The following STKLD1 variants were observed in gnomAD, a reference collection of about 807,000 sequenced individuals.
The protein encoded by STKLD1 is serine/threonine kinase-like domain-containing protein STKLD1.
In STKLD1, 79 loss-of-function variants were observed where a neutral mutation model predicts 80.4. The ratio of observed to expected loss-of-function variants is 0.98; its 90% CI spans 0.82 to 1.19. The LOEUF (loss-of-function observed/expected upper bound fraction) is 1.19, where lower values mean the gene tolerates loss of function less well. Among genes scored for constraint, STKLD1 ranks in the 50% most tolerant of loss-of-function variants. The pLI, the probability that STKLD1 is intolerant of heterozygous loss-of-function variation, is 0.00. For synonymous variants in STKLD1, 393 were observed against 357.6 expected (o/e 1.10, Z -1.12); for missense variants, 841 against 856.0 (o/e 0.98, Z 0.22).
chr9:133,387,642 C>A, intron 5 of STKLD1, 94 bp downstream of exon 5: 2 of 930,238 alleles, frequency 2.1e-6, no homozygotes, highest in Non-Finnish European at 3.6e-6. Flanking sequence ...AGGGCAGGCA[C>A]CATGGAGTCC....
At chr9:133,391,222 G>A (rs1212273147) in intron 7 of STKLD1, among the ~76,000 whole-genome samples, 5 of 148,918 alleles carry the variant, frequency 3.4e-5, no homozygotes, top group African/African-American at 1.2e-4. Context: ...CAGCCGCCCT[G>A]TCCGGGAGGG....
intron 5 of STKLD1, chr9:133,387,799 G>T: frequency 1.6e-6 from 1 of 611,040 alleles, no homozygotes; most frequent in Non-Finnish European, 3.1e-6. Flanking sequence ...GTTCCCAGTC[G>T]GTGACCATGA....
In STKLD1 at chr9:133,405,610, C is replaced by T. The variant is rs1301047953; in HGVS notation, c.*189C>T. The T allele has an allele frequency of 7.7e-6, 4 of 519,124 alleles. No homozygotes were observed. The highest frequency in any genetic ancestry group is 7.1e-5 in the South Asian group (2 of 28,082). The allele number at this position is 519,124 out of a possible 1,614,324, so 32.2% of individuals were successfully genotyped here. On this transcript the variant is annotated 3_prime_UTR_variant, in exon 18 of 18. Transcript: ENST00000371957. ...TCACATGAGTAACTGCTCCTGGACC[C>T]GGGGACTGTCCACGAAAACTGACTT... is the stretch of plus-strand genomic sequence containing the variant.
At chr9:133,404,108 T>A in intron 16 of STKLD1, 60 bp downstream of exon 16, 1 of 1,494,684 alleles carries the variant, frequency 6.7e-7, no homozygotes, top group Non-Finnish European at 8.9e-7. Context: ...TCAGCCCCCA[T>A]CAGTTACATC....
In STKLD1 at chr9:133,384,602, A is replaced by T. The variant is rs1253919401; in HGVS notation, c.219+702A>T. On this transcript the variant is annotated intron_variant, in intron 3 of 17. Transcript: ENST00000371957. The surrounding 1 kb of genome is among the most constrained non-coding windows in gnomAD (Gnocchi z 4.3). Reference sequence around the variant, plus strand: ...CCTTTTTTTTTTTTTCTTTAATAGCAATGGGGTCTCACCATTTTGCCCAGG... The same window carrying T: ...CCTTTTTTTTTTTTTCTTTAATAGCTATGGGGTCTCACCATTTTGCCCAGG... 2.6e-5 allele frequency: 4 copies of T among 151,264 alleles called. No homozygotes were observed. The highest frequency in any genetic ancestry group is 5.9e-5 in the Non-Finnish European group (4 of 67,866). 9.4% of individuals were successfully genotyped at this position (151,264 alleles called of 1,614,324 possible). A position where few individuals can be genotyped will look rare whatever the true frequency, so the allele number is the denominator to read the frequency against.
chr9:133,380,867 G>A (rs1443127105), intron 2 of STKLD1, among the ~76,000 whole-genome samples: 1 of 151,962 alleles, frequency 6.6e-6, no homozygotes, highest in African/African-American at 2.4e-5. Context: ...CATTCCCACA[G>A]CCTCCTCCTC....
In STKLD1 at chr9:133,405,430, A is replaced by G; in HGVS notation, c.*9A>G. On this transcript the variant is annotated 3_prime_UTR_variant, in exon 18 of 18. Transcript: ENST00000371957. Reference sequence around the variant, plus strand: ...CTGGGGGACTGGAATAGATGTTTGTATGGAACTGACCTTGATCTCCACGTG... The same window carrying G: ...CTGGGGGACTGGAATAGATGTTTGTGTGGAACTGACCTTGATCTCCACGTG... 2.5e-6 allele frequency: 4 copies of G among 1,598,958 alleles called. No individual in the cohort carries two copies. Among genetic ancestry groups the G allele is most frequent in the Non-Finnish European group, 3.4e-6 (4 of 1,176,726 alleles).
At chr9:133,383,766 G>A in intron 2 of STKLD1, 90 bp from the exon 3 acceptor site, 1 of 1,251,202 alleles carries the variant, frequency 8.0e-7, no homozygotes, top group South Asian at 1.2e-5. Flanking sequence ...TGCAGATGAT[G>A]GTAATGGTCG....
At chr9:133,397,426 G>C in intron 10 of STKLD1, 132 bp downstream of exon 10, 1 of 1,226,388 alleles carries the variant, frequency 8.2e-7, no homozygotes, top group South Asian at 1.4e-5. Context: ...CCAGTGGGTA[G>C]GAACAGTTTC....
At chr9:133,401,240 G>A (rs890450042) in intron 12 of STKLD1, among the ~76,000 whole-genome samples, 4 of 150,890 alleles carry the variant, frequency 2.7e-5, no homozygotes, top group African/African-American at 9.8e-5. Context: ...CCAGGTTCAA[G>A]CGATTCTCCT....
At chr9:133,392,999 G>A (rs1313198948) in intron 7 of STKLD1, among the ~76,000 whole-genome samples, 1 of 145,916 alleles carries the variant, frequency 6.9e-6, no homozygotes, top group Non-Finnish European at 1.5e-5. Flanking sequence ...TGGGTGGATG[G>A]GTGTGTGGTT....
Position 133,397,971 on chromosome 9 carries a change from G to A in STKLD1, c.998-1G>A. 6.2e-7 allele frequency: 1 copy of A among 1,613,156 alleles called. No homozygotes were observed. The highest frequency in any genetic ancestry group is 8.5e-7 in the Non-Finnish European group (1 of 1,179,614). The stretch of plus-strand genomic sequence containing the variant: ...CCTCCCCTGCCTTCCTGTCCCTGCA[G>A]AGGTCATGCAGAAATTCTCTGGCTG... On this transcript the variant is annotated splice_acceptor_variant, in intron 10 of 17. Coordinates refer to ENST00000371957, the MANE Select transcript of STKLD1 (RefSeq NM_153710.5). LOFTEE classifies it high-confidence loss of function.
intron 10 of STKLD1, 97 bp downstream of exon 10, chr9:133,397,391 C>T (rs1838589683): frequency 2.0e-6 from 3 of 1,516,178 alleles, no homozygotes; most frequent in Non-Finnish European, 2.7e-6. Flanking sequence ...TTATTTATGC[C>T]CCTGGCCTTG....
At chr9:133,392,358 C>CACCCGG (rs1387668030) in intron 7 of STKLD1, among the ~76,000 whole-genome samples, 2 of 151,948 alleles carry the variant, frequency 1.3e-5, no homozygotes, top group Non-Finnish European at 2.9e-5. Context: ...TGAACCACCG[C>CACCCGG]ACCCGGCCAC....
At chr9:133,398,500 C>T (rs901270682) in intron 11 of STKLD1, among the ~76,000 whole-genome samples, 9 of 152,182 alleles carry the variant, frequency 5.9e-5, no homozygotes, top group Admixed American at 2.0e-4. Context: ...AATGCATGGC[C>T]TGGCGCAGTA....
Position 133,376,386 on chromosome 9 carries a change from T to A in STKLD1, c.-88T>A, listed in dbSNP as rs1837944388. 7.0e-7 allele frequency: 1 copy of A among 1,424,692 alleles called. No homozygotes were observed. The highest frequency in any genetic ancestry group is 9.2e-7 in the Non-Finnish European group (1 of 1,082,888). 88.3% of individuals were successfully genotyped at this position (1,424,692 alleles called of 1,614,324 possible). On this transcript the variant is annotated 5_prime_UTR_variant, in exon 1 of 18. Coordinates refer to ENST00000371957, the MANE Select transcript of STKLD1 (RefSeq NM_153710.5). ...CGCCTGAGTGCCTCGAGGGCGCCGTTCGGGCGGGGAGGATCCCGCGGGTCC... is the reference window on the plus strand; with the variant it reads ...CGCCTGAGTGCCTCGAGGGCGCCGTACGGGCGGGGAGGATCCCGCGGGTCC...
chr9:133,387,829 T>C, intron 5 of STKLD1: 1 of 557,560 alleles, frequency 1.8e-6, no homozygotes. Flanking sequence ...GTTCTGCCGG[T>C]CCCTGAAGTT....
chr9:133,376,680 C>T, intron 1 of STKLD1, 120 bp downstream of exon 1: 1 of 836,342 alleles, frequency 1.2e-6, no homozygotes, highest in Non-Finnish European at 1.8e-6. Flanking sequence ...CCAGTGTCGG[C>T]CTGCAGCTCC....
rs2130286869 is a variant in STKLD1 at position 133,390,641 on chromosome 9, C to A, written c.468-40C>A. 6 of 1,535,900 alleles carry A rather than the reference C, an allele frequency of 3.9e-6. No individual in the cohort carries two copies. In the African/African-American group the frequency reaches 8.2e-5, roughly 21 times the overall value. On this transcript the variant is annotated intron_variant, in intron 6 of 17. Coordinates refer to ENST00000371957, the MANE Select transcript of STKLD1 (RefSeq NM_153710.5). This position sits in a 1 kb window ranked among gnomAD's most constrained non-coding sequence, Gnocchi z 5.1. ...TTGTGGGTGGTGGCTGCCCAGGTGGCCCCTTGGCATCCAGAGGCAAACCCA... is the reference window on the plus strand; with the variant it reads ...TTGTGGGTGGTGGCTGCCCAGGTGGACCCTTGGCATCCAGAGGCAAACCCA...
Sources: gnomAD v4.1 joint callset for allele counts (sites outside exome capture counted in the v4.1 genomes callset) on GRCh38, gnomAD v4.1.1 for gene constraint, Gnocchi (gnomAD v3.1) non-coding constraint, MANE v1.5 for transcripts, NCBI Gene and HGNC (gene_info 2026-07-23, HGNC 2026-07-21) for gene names.